CASP2: variants seen among roughly 807,000 people sequenced by gnomAD.
CASP2 encodes caspase-2.
In CASP2, 38 loss-of-function variants were observed where a neutral mutation model predicts 54.4. The ratio of observed to expected loss-of-function variants is 0.70; its 90% CI spans 0.54 to 0.92. The LOEUF (loss-of-function observed/expected upper bound fraction) is 0.92, where lower values mean the gene tolerates loss of function less well. CASP2 is among the 40% of genes least tolerant of loss of function. CASP2 has a pLI of 0.00. For missense variants in CASP2, 512 were observed against 579.6 expected (o/e 0.88, Z 1.20); for synonymous variants, 215 against 216.3 (o/e 0.99, Z 0.05).
intron 8 of CASP2, 88 bp from the exon 9 acceptor site, chr7:143,303,696 T>G: frequency 8.4e-7 from 1 of 1,193,722 alleles, no homozygotes; most frequent in Non-Finnish European, 1.2e-6. Flanking sequence ...CCCTTCAAGG[T>G]TGTAGGGAAC....
Position 143,291,407 on chromosome 7 carries a change from A to G in CASP2, c.75-133A>G, listed in dbSNP as rs187807104. 150 of 888,842 alleles carry G rather than the reference A, an allele frequency of 1.7e-4. 2 individuals carry two copies. In the East Asian group the frequency reaches 2.3e-3, roughly 14 times the overall value. The allele number at this position is 888,842 out of a possible 1,614,324, so 55.1% of individuals were successfully genotyped here. ...CTTAGTACATCTTTGCTTTAACCAG[A>G]TTTAAGAAATATGCATAATCTTGGT... On this transcript the variant is annotated intron_variant, in intron 1 of 10. Transcript: ENST00000310447.
At chr7:143,301,775 A>G (rs1282634493) in intron 8 of CASP2, 1 of 152,188 alleles carries the variant, frequency 6.6e-6, no homozygotes, top group Non-Finnish European at 1.5e-5. Flanking sequence ...TTAAAATAGC[A>G]TCTGTGTGAG....
Position 143,304,962 on chromosome 7 carries a change from G to A in CASP2, c.1250G>A (p.Arg417Gln), listed in dbSNP as rs988986180. 8 of 1,614,062 alleles carry A rather than the reference G, an allele frequency of 5.0e-6. No homozygotes were observed. The highest frequency in any genetic ancestry group is 2.2e-5 in the East Asian group (1 of 44,896). ...LVKVNALIKD[R>Q]EGYAPGTEFH... ...CAGGTGAACGCACTTATCAAGGATC[G>A]GGAAGGTTATGCTCCTGGCACAGAA... The change falls in exon 11 of 11, where the codon CGG becomes CAG. Residue 417 changes from arginine to glutamine, a missense_variant. Physicochemically the swap from Arg to Gln is conservative, Grantham distance 43 (BLOSUM62 1). Coordinates refer to ENST00000310447, the MANE Select transcript of CASP2 (RefSeq NM_032982.4).
intron 8 of CASP2, chr7:143,300,600 A>G (rs1268363103): frequency 7.1e-7 from 1 of 1,411,382 alleles, no homozygotes; most frequent in East Asian, 3.3e-5. Flanking sequence ...GTGCTTCATT[A>G]ACTCTGGTGC....
At chr7:143,299,614 G>A (rs2116793304) in intron 6 of CASP2, among the ~76,000 whole-genome samples, 1 of 152,278 alleles carries the variant, frequency 6.6e-6, no homozygotes, top group East Asian at 1.9e-4. Context: ...TATGAACAGG[G>A]AATTAATCAG....
chr7:143,299,400 A>T (rs1801848985), intron 6 of CASP2, among the ~76,000 whole-genome samples: 1 of 152,228 alleles, frequency 6.6e-6, no homozygotes, highest in Admixed American at 6.5e-5. Context: ...AAAGCATTTT[A>T]TACAGTCATC....
chr7:143,305,214 C>T lies in CASP2; in HGVS notation c.*143C>T. 1.9e-6 allele frequency: 2 copies of T among 1,076,770 alleles called. No individual in the cohort carries two copies. The highest frequency in any genetic ancestry group is 2.7e-5 in the South Asian group (2 of 74,666). 66.7% of individuals were successfully genotyped at this position (1,076,770 alleles called of 1,614,324 possible). On this transcript the variant is annotated 3_prime_UTR_variant, in exon 11 of 11. Coordinates refer to ENST00000310447, the MANE Select transcript of CASP2 (RefSeq NM_032982.4). ...TCCCAGACTTGTTTCCTGTGCCCAT[C>T]ATCTCTGCCTTTGAGTGTGGGACTC...
In CASP2 at chr7:143,292,652, GGT is replaced by G. The variant is rs1412379048; in HGVS notation, c.435_436del (p.Cys145Ter). On this transcript the variant is annotated frameshift_variant, in exon 4 of 11. Coordinates refer to ENST00000310447, the MANE Select transcript of CASP2 (RefSeq NM_032982.4). LOFTEE classifies it high-confidence loss of function. The part of the protein sequence containing the change: ...CDYDLSLPFP[V>X]CESCPLYKKL... ...ACTACGACTTGAGTCTCCCTTTTCC[GGT>G]GTGTGAGTCCTGTCCCCTTTACAAG... The G allele has an allele frequency of 1.2e-6, 2 of 1,613,268 alleles. No individual in the cohort carries two copies. Among genetic ancestry groups the G allele is most frequent in the African/African-American group, 2.7e-5 (2 of 74,874 alleles).
chr7:143,303,992 G>T, intron 9 of CASP2, 59 bp downstream of exon 9: 2 of 1,452,208 alleles, frequency 1.4e-6, no homozygotes, highest in Non-Finnish European at 1.9e-6. Flanking sequence ...TTGCTTTATT[G>T]TGCTTTGCAG....
intron 1 of CASP2, among the ~76,000 whole-genome samples, chr7:143,291,312 T>C (rs1801549979): frequency 6.6e-6 from 1 of 152,268 alleles, no homozygotes. Context: ...ACCATTCATC[T>C]CAGATGATCT....
At chr7:143,299,894 G>A (rs754311596) in intron 6 of CASP2, 29 bp from the exon 7 acceptor site, 8 of 1,613,816 alleles carry the variant, frequency 5.0e-6, no homozygotes, top group Middle Eastern at 1.6e-4. Context: ...TGACCTTAGT[G>A]CACAACACTA....
chr7:143,295,470 C>T (rs1446720730), intron 6 of CASP2, among the ~76,000 whole-genome samples: 1 of 152,146 alleles, frequency 6.6e-6, no homozygotes, highest in African/African-American at 2.4e-5. Flanking sequence ...GACTTTGTGA[C>T]CTTTAGGGTT....
At chr7:143,289,667 C>T (rs887170120) in intron 1 of CASP2, 4 of 941,688 alleles carry the variant, frequency 4.2e-6, no homozygotes, top group Non-Finnish European at 5.1e-6. Context: ...GTTAGTATCC[C>T]AGCTGCAGTG....
chr7:143,298,176 G>A (rs954083206), intron 6 of CASP2, among the ~76,000 whole-genome samples: 1 of 152,126 alleles, frequency 6.6e-6, no homozygotes, highest in African/African-American at 2.4e-5. Flanking sequence ...TGCTTTAGGG[G>A]CCACTCTGAG....
In CASP2 at chr7:143,300,529, T is replaced by C. The variant is rs1801885140; in HGVS notation, c.967+235T>C. 3 of 1,559,092 alleles carry C rather than the reference T, an allele frequency of 1.9e-6. No homozygotes were observed. In the African/African-American group the frequency reaches 4.0e-5, roughly 21 times the overall value. ...CAGCTCTCCGTGCACCACCATATCC[T>C]GTTTTCAGGTCTCTTATCCCGTGTC... On this transcript the variant is annotated intron_variant, in intron 8 of 10. Coordinates refer to ENST00000310447, the MANE Select transcript of CASP2 (RefSeq NM_032982.4).
rs752503449 is a variant in CASP2, at chr7:143,288,406, T to G, written c.-50T>G. The G allele has an allele frequency of 3.8e-6, 6 of 1,574,502 alleles. No individual in the cohort carries two copies. In the South Asian group the frequency reaches 5.6e-5, roughly 15 times the overall value. On this transcript the variant is annotated 5_prime_UTR_variant, in exon 1 of 11. Transcript: ENST00000310447. ...TGTGGGGGAAGCGACGGCCCCCGGT[T>G]TGTTTGGGCTGTGGGCGGTGCGCAG...
intron 3 of CASP2, 67 bp from the exon 4 acceptor site, chr7:143,292,550 G>A (rs891150944): frequency 9.3e-6 from 15 of 1,604,376 alleles, no homozygotes; most frequent in African/African-American, 1.3e-5. Flanking sequence ...AGGGAGACTA[G>A]ATTTTGTTGT....
At chr7:143,303,507 G>A (rs763490829) in intron 8 of CASP2, 25 of 356,676 alleles carry the variant, frequency 7.0e-5, no homozygotes, top group Non-Finnish European at 1.2e-4. Context: ...CATTTTCCCT[G>A]TCTTACACAG....
At chr7:143,293,645 G>T (rs1220672940) in intron 4 of CASP2, among the ~76,000 whole-genome samples, 3 of 152,010 alleles carry the variant, frequency 2.0e-5, no homozygotes, top group Non-Finnish European at 4.4e-5. Context: ...GAGTAGCTAG[G>T]ATTACAGGTG....
Sources: gnomAD v4.1 joint callset for allele counts (sites outside exome capture counted in the v4.1 genomes callset) on GRCh38, gnomAD v4.1.1 for gene constraint, MANE v1.5 for transcripts, NCBI Gene and HGNC (gene_info 2026-07-23, HGNC 2026-07-21) for gene names.